Variants in ETV6 observed in about 807,000 individuals in gnomAD.
The protein encoded by ETV6 is transcription factor ETV6.
A neutral mutation model predicts 51.1 loss-of-function variants in ETV6; 16 were observed. That is an observed-to-expected ratio of 0.31 (90% CI 0.21 to 0.48). The LOEUF (loss-of-function observed/expected upper bound fraction) is 0.48, where lower values mean the gene tolerates loss of function less well. ETV6 is among the 20% of genes least tolerant of loss of function. The pLI is 0.99. For missense variants in ETV6, 458 were observed against 594.8 expected (o/e 0.77, Z 2.39); for synonymous variants, 240 against 224.1 (o/e 1.07, Z -0.64).
chr12:11,814,140 A>G (rs1347926806), intron 2 of ETV6, among the ~76,000 whole-genome samples: 3 of 152,172 alleles, frequency 2.0e-5, no homozygotes, highest in African/African-American at 7.2e-5. Flanking sequence ...GATATTTATA[A>G]TGGTGACCCC....
At position 11,891,873 on chromosome 12, in the gene ETV6, A is replaced by C. The variant is rs750480275; in HGVS notation, c.*827A>C. On this transcript the variant is annotated 3_prime_UTR_variant, in exon 8 of 8. Transcript: ENST00000396373. ...CCATCTGAGGGAGGCCAAAATCATC[A>C]CAGATGCTGCTGTGCTGCAGACAGA... The C allele has an allele frequency of 9.8e-6, 3 of 305,832 alleles. No homozygotes were observed. The highest frequency in any genetic ancestry group is 1.9e-5 in the Non-Finnish European group (3 of 158,296). The allele number at this position is 305,832 out of a possible 1,614,324, so 18.9% of individuals were successfully genotyped here. A position where few individuals can be genotyped will look rare whatever the true frequency, so the allele number is the denominator to read the frequency against.
intron 1 of ETV6, chr12:11,751,360 G>A: frequency 1.9e-6 from 1 of 518,790 alleles, no homozygotes; most frequent in Middle Eastern, 3.2e-4. Context: ...TTTCATAGTG[G>A]CATCTTACTG....
chr12:11,880,631 G>A (rs1234272386), intron 5 of ETV6, among the ~76,000 whole-genome samples: 3 of 152,260 alleles, frequency 2.0e-5, no homozygotes, highest in East Asian at 1.9e-4. Context: ...AGAACTGTCC[G>A]CTTTCTTTTT....
intron 1 of ETV6, among the ~76,000 whole-genome samples, chr12:11,705,468 G>A (rs975686235): frequency 3.3e-5 from 5 of 152,172 alleles, no homozygotes; most frequent in Non-Finnish European, 5.9e-5. Context: ...TCTGCATTGG[G>A]ATAATGGAGC....
chr12:11,761,185 G>T (rs1945081746), intron 2 of ETV6, among the ~76,000 whole-genome samples: 1 of 151,980 alleles, frequency 6.6e-6, no homozygotes, highest in Non-Finnish European at 1.5e-5. Context: ...CTATCTATTG[G>T]TTAGAAGGAG....
intron 1 of ETV6, among the ~76,000 whole-genome samples, chr12:11,748,907 A>G (rs144131380): frequency 2.1e-4 from 32 of 152,256 alleles, no homozygotes; most frequent in African/African-American, 7.5e-4. Flanking sequence ...AAAGCTTTCT[A>G]TAATGGTTGG....
chr12:11,811,994 G>A (rs957623422), intron 2 of ETV6, among the ~76,000 whole-genome samples: 9 of 152,164 alleles, frequency 5.9e-5, no homozygotes, highest in East Asian at 1.9e-4. Flanking sequence ...TAAAAGCATC[G>A]CTTTGCAATC....
intron 3 of ETV6, among the ~76,000 whole-genome samples, chr12:11,844,204 T>C (rs1487940275): frequency 6.6e-6 from 1 of 152,154 alleles, no homozygotes; most frequent in Non-Finnish European, 1.5e-5. Context: ...TAGGTACCCA[T>C]TATTTTCTCC....
At position 11,891,082 on chromosome 12, in the gene ETV6, C is replaced by T. The variant is rs1230492245; in HGVS notation, c.*36C>T. ...AGTCCACCTCAGCGGGCCAGCAGCC[C>T]AGGGAACCCCTGCCCACCAGGATTG... On this transcript the variant is annotated 3_prime_UTR_variant, in exon 8 of 8. Transcript: ENST00000396373. 6.5e-7 allele frequency: 1 copy of T among 1,530,818 alleles called. No homozygotes were observed. The highest frequency in any genetic ancestry group is 1.4e-5 in the African/African-American group (1 of 72,978). The allele number at this position is 1,530,818 out of a possible 1,614,324, so 94.8% of individuals were successfully genotyped here. A position where few individuals can be genotyped will look rare whatever the true frequency, so the allele number is the denominator to read the frequency against.
At chr12:11,857,445 G>A (rs541096300) in intron 4 of ETV6, among the ~76,000 whole-genome samples, 324 of 152,314 alleles carry the variant, frequency 2.1e-3, no homozygotes, top group African/African-American at 7.6e-3. Context: ...ATCATGGCTT[G>A]AGCAAAGCAG....
At chr12:11,781,582 G>A (rs1945414514) in intron 2 of ETV6, among the ~76,000 whole-genome samples, 1 of 152,182 alleles carries the variant, frequency 6.6e-6, no homozygotes, top group Admixed American at 6.5e-5. Context: ...TTGCTGAATG[G>A]ATAGGCAGTT....
At chr12:11,773,068 C>G (rs543478965) in intron 2 of ETV6, among the ~76,000 whole-genome samples, 24 of 152,006 alleles carry the variant, frequency 1.6e-4, no homozygotes, top group African/African-American at 4.8e-4. Context: ...GTGGCGGACA[C>G]CTGTAGTCCC....
intron 2 of ETV6, among the ~76,000 whole-genome samples, chr12:11,790,785 C>A (rs1317155400): frequency 6.7e-6 from 1 of 149,586 alleles, no homozygotes; most frequent in Non-Finnish European, 1.5e-5. Flanking sequence ...TCAAGCGATT[C>A]TCCTGCCTCA....
intron 7 of ETV6, among the ~76,000 whole-genome samples, chr12:11,887,673 G>A (rs1367269055): frequency 2.0e-5 from 3 of 151,332 alleles, no homozygotes; most frequent in African/African-American, 4.9e-5. Flanking sequence ...ACTTGAACCC[G>A]GGAGGCAGAG....
chr12:11,877,742 C>T (rs769939274), intron 5 of ETV6, among the ~76,000 whole-genome samples: 17 of 152,306 alleles, frequency 1.1e-4, no homozygotes, highest in African/African-American at 3.1e-4. Context: ...GATTGGAATC[C>T]GGTTCTTGAC....
chr12:11,746,904 A>G (rs1865920094), intron 1 of ETV6, among the ~76,000 whole-genome samples: 1 of 151,420 alleles, frequency 6.6e-6, no homozygotes, highest in Non-Finnish European at 1.5e-5. Context: ...GAAGCAATAT[A>G]CTGCCTTCTG....
intron 2 of ETV6, among the ~76,000 whole-genome samples, chr12:11,819,525 T>C (rs1946044946): frequency 6.6e-6 from 1 of 152,234 alleles, no homozygotes; most frequent in African/African-American, 2.4e-5. Context: ...TACAACTGCC[T>C]ACTGGGCCTC....
In ETV6 at chr12:11,869,607, A is replaced by G. The variant is rs1946847502; in HGVS notation, c.647A>G (p.Glu216Gly). The G allele has an allele frequency of 6.2e-7, 1 of 1,614,166 alleles. No homozygotes were observed. The highest frequency in any genetic ancestry group is 8.5e-7 in the Non-Finnish European group (1 of 1,180,024). Reference sequence around the variant, plus strand: ...ATGATCCGCCGCCTCTCCCCGGCTGAGAGAGCTCAGGGACCCAGGCCGCAC... The same window carrying G: ...ATGATCCGCCGCCTCTCCCCGGCTGGGAGAGCTCAGGGACCCAGGCCGCAC... ...DNMIRRLSPA[E>G]RAQGPRPHQE... The change falls in exon 5 of 8, where the codon GAG becomes GGG. Residue 216 changes from glutamate to glycine, a missense_variant. Glu to Gly is a moderately conservative substitution (Grantham distance 98, BLOSUM62 -2). Coordinates refer to ENST00000396373, the MANE Select transcript of ETV6 (RefSeq NM_001987.5). This position sits in a 1 kb window ranked among gnomAD's most constrained non-coding sequence, Gnocchi z 5.0.
intron 1 of ETV6, among the ~76,000 whole-genome samples, chr12:11,710,126 G>A (rs1255615884): frequency 6.6e-6 from 1 of 152,140 alleles, no homozygotes; most frequent in African/African-American, 2.4e-5. Context: ...CTACACCATG[G>A]AAGAGAAACC....
Sources: allele counts gnomAD v4.1 joint callset (sites outside exome capture counted in the v4.1 genomes callset), GRCh38; gene constraint gnomAD v4.1.1; non-coding constraint Gnocchi (gnomAD v3.1); transcripts MANE v1.5; gene names NCBI Gene and HGNC (gene_info 2026-07-23, HGNC 2026-07-21).